The following CNBD1 variants were observed in gnomAD, a reference collection of about 807,000 sequenced individuals.
The protein encoded by CNBD1 is cyclic nucleotide binding domain containing 1.
CNBD1 carries 71 observed loss-of-function variants against 54.4 expected under a neutral mutation model. The ratio of observed to expected loss-of-function variants is 1.30; its 90% CI spans 1.08 to 1.59. The LOEUF is 1.59. CNBD1 is among the 40% of genes most tolerant of loss of function. CNBD1 has a pLI of 0.00. For synonymous variants in CNBD1, 182 were observed against 170.7 expected (o/e 1.07, Z -0.51); for missense variants, 659 against 518.0 (o/e 1.27, Z -2.64).
intron 8 of CNBD1, among the ~76,000 whole-genome samples, chr8:87,290,206 A>G (rs1289569436): frequency 6.6e-6 from 1 of 151,996 alleles, no homozygotes; most frequent in Non-Finnish European, 1.5e-5. Context: ...AAATTTAACA[A>G]TACATTATTA....
At chr8:87,207,643 C>A (rs1814005002) in intron 5 of CNBD1, among the ~76,000 whole-genome samples, 2 of 152,158 alleles carry the variant, frequency 1.3e-5, no homozygotes, top group South Asian at 4.1e-4. Flanking sequence ...TATTCTCTCA[C>A]AATGTGTTTA....
chr8:87,064,829 T>A (rs1438414006), intron 4 of CNBD1, among the ~76,000 whole-genome samples: 2 of 151,988 alleles, frequency 1.3e-5, no homozygotes, highest in African/African-American at 4.8e-5. Flanking sequence ...TAATTTATCA[T>A]CTTTCATCAC....
At chr8:86,874,801 C>G (rs1201703818) in intron 1 of CNBD1, among the ~76,000 whole-genome samples, 1 of 151,502 alleles carries the variant, frequency 6.6e-6, no homozygotes, top group Non-Finnish European at 1.5e-5. Context: ...AAGCTCTTTT[C>G]ATACTTTCTT....
intron 5 of CNBD1, among the ~76,000 whole-genome samples, chr8:87,212,028 A>G (rs1814109954): frequency 6.6e-6 from 1 of 152,228 alleles, no homozygotes; most frequent in African/African-American, 2.4e-5. Context: ...AAGTCTATCT[A>G]GTACTTAAAG....
intron 4 of CNBD1, among the ~76,000 whole-genome samples, chr8:87,031,845 A>C (rs1252018295): frequency 6.6e-6 from 1 of 152,126 alleles, no homozygotes; most frequent in African/African-American, 2.4e-5. Flanking sequence ...GGTTCAAGCC[A>C]TTCTCTAGCC....
intron 2 of CNBD1, among the ~76,000 whole-genome samples, chr8:87,417,493 A>G (rs979088651): frequency 7.2e-5 from 11 of 152,070 alleles, no homozygotes; most frequent in Admixed American, 6.6e-4. Context: ...ACCCCCTGGG[A>G]AATTTGGCAA....
intron 4 of CNBD1, among the ~76,000 whole-genome samples, chr8:87,184,594 G>A (rs1355869351): frequency 6.6e-6 from 1 of 152,146 alleles, no homozygotes; most frequent in Non-Finnish European, 1.5e-5. Context: ...CTGCAGCTAG[G>A]ATCCTGGAGG....
At chr8:87,382,519 G>T in intron 10 of CNBD1, 101 bp from the exon 11 acceptor site, 6 of 877,062 alleles carry the variant, frequency 6.8e-6, no homozygotes, top group Non-Finnish European at 1.1e-5. Flanking sequence ...TAACCCCTCT[G>T]ACTCAGCAAT....
chr8:87,393,271 A>T (rs1371142554), intron 2 of CNBD1, among the ~76,000 whole-genome samples: 1 of 151,914 alleles, frequency 6.6e-6, no homozygotes, highest in Non-Finnish European at 1.5e-5. Context: ...GGACTCAAGC[A>T]TAGGTCATAC....
chr8:86,928,196 C>G (rs567430792), intron 3 of CNBD1, among the ~76,000 whole-genome samples: 12 of 152,010 alleles, frequency 7.9e-5, no homozygotes, highest in Non-Finnish European at 1.5e-4. Context: ...GAAGTTATAT[C>G]CTTGACCAAG....
chr8:87,310,134 C>A (rs1276593646), intron 8 of CNBD1, among the ~76,000 whole-genome samples: 3 of 152,048 alleles, frequency 2.0e-5, no homozygotes, highest in African/African-American at 7.2e-5. Context: ...GTGAGAGGAT[C>A]ACTTGAGCCC....
intron 4 of CNBD1, among the ~76,000 whole-genome samples, chr8:87,132,438 G>GA (rs1034974530): frequency 2.1e-4 from 31 of 151,058 alleles, no homozygotes; most frequent in Admixed American, 5.3e-4. Context: ...ACAGAGAAAA[G>GA]AAAAAGATTT....
intron 4 of CNBD1, among the ~76,000 whole-genome samples, chr8:87,112,807 T>C (rs745361277): frequency 6.6e-6 from 1 of 152,154 alleles, no homozygotes; most frequent in Non-Finnish European, 1.5e-5. Flanking sequence ...AATTCAGTTT[T>C]AGAATCCCAT....
At chr8:87,375,631 T>C (rs942014011) in intron 10 of CNBD1, among the ~76,000 whole-genome samples, 1 of 151,902 alleles carries the variant, frequency 6.6e-6, no homozygotes, top group African/African-American at 2.4e-5. Context: ...AATATTGGTA[T>C]AGAAACCATT....
At chr8:87,422,589 T>G (rs981469189) in intron 2 of CNBD1, among the ~76,000 whole-genome samples, 1 of 152,164 alleles carries the variant, frequency 6.6e-6, no homozygotes, top group Admixed American at 6.5e-5. Context: ...GTTGCAGATA[T>G]GCGGCGTTAT....
chr8:86,999,558 C>A (rs984222953), intron 4 of CNBD1, among the ~76,000 whole-genome samples: 1 of 150,880 alleles, frequency 6.6e-6, no homozygotes, highest in Non-Finnish European at 1.5e-5. Context: ...AAAAAAAAGT[C>A]TTTTATTTCA....
chr8:87,405,060 AAAT>A (rs1222199994), intron 2 of CNBD1, among the ~76,000 whole-genome samples: 2 of 152,230 alleles, frequency 1.3e-5, no homozygotes, highest in African/African-American at 2.4e-5. Flanking sequence ...GTTGAAGAAA[AAAT>A]AAATCATTTT....
intron 8 of CNBD1, among the ~76,000 whole-genome samples, chr8:87,318,217 T>C (rs1056423417): frequency 4.6e-5 from 7 of 152,104 alleles, no homozygotes; most frequent in Admixed American, 3.3e-4. Flanking sequence ...TTCTCTTTAT[T>C]ATAGATTATA....
chr8:87,184,078 G>A (rs1334718858), intron 4 of CNBD1, among the ~76,000 whole-genome samples: 1 of 152,190 alleles, frequency 6.6e-6, no homozygotes, highest in Non-Finnish European at 1.5e-5. Context: ...TGTGGCCAAT[G>A]GGGTGACAGA....
Sources: gnomAD v4.1 joint callset for allele counts (sites outside exome capture counted in the v4.1 genomes callset) on GRCh38, gnomAD v4.1.1 for gene constraint, MANE v1.5 for transcripts, NCBI Gene and HGNC (gene_info 2026-07-23, HGNC 2026-07-21) for gene names.